PPP1R16B: variants seen among roughly 807,000 people sequenced by gnomAD.
The protein encoded by PPP1R16B is protein phosphatase 1 regulatory subunit 16B.
PPP1R16B carries 14 observed loss-of-function variants against 61.7 expected under a neutral mutation model. The ratio of observed to expected loss-of-function variants is 0.23; its 90% CI spans 0.15 to 0.35. The LOEUF (loss-of-function observed/expected upper bound fraction) is 0.35. Among genes scored for constraint, PPP1R16B ranks in the 10% least tolerant of loss-of-function variants. The pLI is 1.00. For synonymous variants in PPP1R16B, 266 were observed against 305.3 expected (o/e 0.87, Z 1.34); for missense variants, 547 against 752.5 (o/e 0.73, Z 3.19).
At chr20:38,825,203 G>C (rs2084798261) in intron 1 of PPP1R16B, among the ~76,000 whole-genome samples, 1 of 152,174 alleles carries the variant, frequency 6.6e-6, no homozygotes, top group Admixed American at 6.5e-5. Flanking sequence ...CCCAGACCTG[G>C]ATGAGGAAGG....
chr20:38,886,593 G>A (rs2085247070), intron 2 of PPP1R16B, among the ~76,000 whole-genome samples: 1 of 152,232 alleles, frequency 6.6e-6, no homozygotes, highest in African/African-American at 2.4e-5. Context: ...CCGTGGGCAG[G>A]TTGGGCCTTG....
chr20:38,834,448 C>T (rs2084856228), intron 1 of PPP1R16B, among the ~76,000 whole-genome samples: 2 of 152,166 alleles, frequency 1.3e-5, no homozygotes, highest in South Asian at 2.1e-4. Context: ...TCATAGAGTC[C>T]GTGCTGAAGA....
intron 3 of PPP1R16B, among the ~76,000 whole-genome samples, chr20:38,891,593 A>G (rs1169666029): frequency 6.6e-6 from 1 of 152,210 alleles, no homozygotes. Context: ...TGAAGTCAGG[A>G]GTTCAAGACC....
intron 2 of PPP1R16B, among the ~76,000 whole-genome samples, chr20:38,880,624 C>T (rs986304056): frequency 2.0e-5 from 3 of 152,214 alleles, no homozygotes; most frequent in African/African-American, 7.2e-5. Flanking sequence ...AGCTTGATCA[C>T]ACCACTGTAC....
chr20:38,902,818 C>T (rs371188760), intron 6 of PPP1R16B, 26 bp downstream of exon 6: 1 of 1,613,818 alleles, frequency 6.2e-7, no homozygotes, highest in Non-Finnish European at 8.5e-7. Context: ...AGTACCAAAA[C>T]CAAGACCAGC....
intron 2 of PPP1R16B, among the ~76,000 whole-genome samples, chr20:38,882,624 G>C (rs1297890090): frequency 1.3e-5 from 2 of 152,144 alleles, no homozygotes; most frequent in Non-Finnish European, 2.9e-5. Context: ...ATGTCTGTGG[G>C]ACTACACTGA....
intron 2 of PPP1R16B, among the ~76,000 whole-genome samples, chr20:38,873,518 G>C (rs374051263): frequency 6.6e-6 from 1 of 152,162 alleles, no homozygotes; most frequent in African/African-American, 2.4e-5. Context: ...GTCGCTGGGT[G>C]GTTTGGGCTC....
chr20:38,850,501 A>G (rs1233220431), intron 2 of PPP1R16B, among the ~76,000 whole-genome samples: 1 of 152,224 alleles, frequency 6.6e-6, no homozygotes, highest in East Asian at 1.9e-4. Context: ...TGCCTTCTAG[A>G]CCAGAATTGT....
chr20:38,854,891 A>G (rs1304917427), intron 2 of PPP1R16B, among the ~76,000 whole-genome samples: 2 of 152,174 alleles, frequency 1.3e-5, no homozygotes, highest in East Asian at 3.8e-4. Flanking sequence ...ACATTGCCAT[A>G]ACTACTCCCA....
intron 7 of PPP1R16B, among the ~76,000 whole-genome samples, 181 bp downstream of exon 7, chr20:38,906,275 C>A (rs1181606058): frequency 6.3e-5 from 9 of 142,052 alleles, no homozygotes; most frequent in African/African-American, 1.8e-4. Flanking sequence ...TTGGACAAAG[C>A]AAGTTGTGTT....
intron 1 of PPP1R16B, among the ~76,000 whole-genome samples, chr20:38,818,033 G>T (rs1402440719): frequency 6.6e-6 from 1 of 152,246 alleles, no homozygotes; most frequent in East Asian, 1.9e-4. Context: ...GACAGAGCGA[G>T]ACTCCGTCTC....
At position 38,889,100 on chromosome 20, in the gene PPP1R16B, C is replaced by T. The variant is rs77663676; in HGVS notation, c.251-495C>T. On this transcript the variant is annotated intron_variant, in intron 2 of 10. Coordinates refer to ENST00000299824, the MANE Select transcript of PPP1R16B (RefSeq NM_015568.4). ...TCACATCTGCCAGAGCAGGAGTTCA[C>T]CTTCAAACCACATGCTGGCCACTGT... is the stretch of plus-strand genomic sequence containing the variant. 9.8e-3 allele frequency among the ~76,000 whole-genome samples: 1,494 copies of T among 152,230 alleles called. 24 individuals carry two copies. Among genetic ancestry groups the T allele is most frequent in the African/African-American group, 0.035 (1,435 of 41,540 alleles).
intron 2 of PPP1R16B, among the ~76,000 whole-genome samples, chr20:38,889,162 C>T (rs2085271390): frequency 6.6e-6 from 1 of 152,158 alleles, no homozygotes; most frequent in African/African-American, 2.4e-5. Flanking sequence ...GATGACCACT[C>T]ACACTGCTAC....
At chr20:38,891,534 T>A (rs994717438) in intron 3 of PPP1R16B, among the ~76,000 whole-genome samples, 6 of 152,216 alleles carry the variant, frequency 3.9e-5, no homozygotes, top group African/African-American at 1.4e-4. Context: ...GCGTGGTGGC[T>A]CACGCCTGTA....
chr20:38,920,258 A>G lies in PPP1R16B; in HGVS notation c.*1592A>G, dbSNP rs1367000549. On this transcript the variant is annotated 3_prime_UTR_variant, in exon 11 of 11. Coordinates refer to ENST00000299824, the MANE Select transcript of PPP1R16B (RefSeq NM_015568.4). ...AGGCTCAGCCAGAACCTCTTGGTGT[A>G]CCCGATAAGCTGCAGGTTATCCCTT... 2 of 152,882 alleles carry G rather than the reference A, an allele frequency of 1.3e-5. No homozygotes were observed. The highest frequency in any genetic ancestry group is 3.9e-4 in the East Asian group (2 of 5,184). The allele number at this position is 152,882 out of a possible 1,614,324, so 9.5% of individuals were successfully genotyped here.
intron 6 of PPP1R16B, among the ~76,000 whole-genome samples, chr20:38,903,523 G>A (rs191761345): frequency 2.7e-4 from 40 of 150,370 alleles, no homozygotes; most frequent in African/African-American, 9.8e-4. Context: ...TCATCCATTG[G>A]TCCATCCAAC....
chr20:38,831,613 G>A (rs1454019059), intron 1 of PPP1R16B, among the ~76,000 whole-genome samples: 5 of 152,118 alleles, frequency 3.3e-5, no homozygotes, highest in African/African-American at 7.2e-5. Context: ...AATGGAGAGC[G>A]TATGTGCCCT....
At chr20:38,833,023 A>G (rs1038451298) in intron 1 of PPP1R16B, among the ~76,000 whole-genome samples, 1 of 152,226 alleles carries the variant, frequency 6.6e-6, no homozygotes, top group African/African-American at 2.4e-5. Flanking sequence ...TCTGTAGATG[A>G]ATGGAACAGC....
intron 1 of PPP1R16B, among the ~76,000 whole-genome samples, chr20:38,826,382 C>G (rs62202520): frequency 0.092 from 13,964 of 151,854 alleles, 673 homozygotes; most frequent in African/African-American, 0.12. Flanking sequence ...TTGTGTGTGC[C>G]CCTGTCCTTG....
Sources: gnomAD v4.1 joint callset for allele counts (sites outside exome capture counted in the v4.1 genomes callset) on GRCh38, gnomAD v4.1.1 for gene constraint, MANE v1.5 for transcripts, NCBI Gene and HGNC (gene_info 2026-07-23, HGNC 2026-07-21) for gene names.